Variants in GLTP observed in about 807,000 individuals in gnomAD.
GLTP encodes glycolipid transfer protein.
A neutral mutation model predicts 24.0 loss-of-function variants in GLTP; 22 were observed. The ratio of observed to expected loss-of-function variants is 0.92; its 90% CI spans 0.65 to 1.31. The LOEUF (loss-of-function observed/expected upper bound fraction) is 1.31, where lower values mean the gene tolerates loss of function less well. Among genes scored for constraint, GLTP ranks in the 50% most tolerant of loss-of-function variants. The pLI is 0.00. For missense variants in GLTP, 224 were observed against 276.6 expected, an observed-to-expected ratio of 0.81 and a Z score of 1.35; for synonymous variants, 92 against 115.9, an observed-to-expected ratio of 0.79 and a Z score of 1.33.
chr12:109,864,502 G>T (rs1208631455), intron 1 of GLTP, among the ~76,000 whole-genome samples: 2 of 152,180 alleles, frequency 1.3e-5, no homozygotes, highest in African/African-American at 4.8e-5. Context: ...CAAACAGGAA[G>T]TGCTCTGTAT....
intron 1 of GLTP, among the ~76,000 whole-genome samples, chr12:109,876,248 C>T (rs942037818): frequency 6.6e-5 from 10 of 152,102 alleles, no homozygotes; most frequent in African/African-American, 2.2e-4. Flanking sequence ...GAGGCCGAGG[C>T]ATGAGGATCA....
Position 109,857,729 on chromosome 12 carries a change from T to G in GLTP, c.163-70A>C, listed in dbSNP as rs1328847579. ...ATAGACATCTGGCCCGCACGCTGGG[T>G]GAAAAGCACCCTACCGGCATCTCCT... On this transcript the variant is annotated intron_variant, in intron 2 of 4. Transcript: ENST00000318348. The surrounding 1 kb of genome is among the most constrained non-coding windows in gnomAD (Gnocchi z 4.3). 1.2e-5 allele frequency: 19 copies of G among 1,526,310 alleles called. No homozygotes were observed. The highest frequency in any genetic ancestry group is 1.7e-5 in the Admixed American group (1 of 59,836). The allele number at this position is 1,526,310 out of a possible 1,614,324, so 94.5% of individuals were successfully genotyped here.
At chr12:109,879,840 G>C (rs999443848) in intron 1 of GLTP, among the ~76,000 whole-genome samples, 1 of 152,090 alleles carries the variant, frequency 6.6e-6, no homozygotes, top group Non-Finnish European at 1.5e-5. Flanking sequence ...GAAATGGGGG[G>C]ATTCATTGTA....
chr12:109,868,369 G>C (rs756538669), intron 1 of GLTP, among the ~76,000 whole-genome samples: 6 of 152,084 alleles, frequency 3.9e-5, no homozygotes, highest in Non-Finnish European at 5.9e-5. Context: ...TATGCTCTTA[G>C]CAAGACCACA....
At chr12:109,853,864 T>A (rs2136763397) in intron 4 of GLTP, among the ~76,000 whole-genome samples, 2 of 150,954 alleles carry the variant, frequency 1.3e-5, no homozygotes, top group East Asian at 4.0e-4. Context: ...TGCCTCAACC[T>A]CCCGAGTAGC....
At chr12:109,878,671 G>T (rs529396741) in intron 1 of GLTP, among the ~76,000 whole-genome samples, 78 of 152,166 alleles carry the variant, frequency 5.1e-4, no homozygotes, top group South Asian at 2.7e-3. Flanking sequence ...GAGCTGGTTC[G>T]CTCCCAAGCC....
chr12:109,866,948 T>C (rs1012801583), intron 1 of GLTP, among the ~76,000 whole-genome samples: 1 of 112,078 alleles, frequency 8.9e-6, no homozygotes, highest in East Asian at 2.2e-4. Context: ...TTTTTTTTTT[T>C]ACCTTTTGTA....
At chr12:109,866,303 C>T (rs1251888288) in intron 1 of GLTP, 1 of 152,126 alleles carries the variant, frequency 6.6e-6, no homozygotes, top group African/African-American at 2.4e-5. Flanking sequence ...GGAATTTTGA[C>T]CTGCTGTTTC....
chr12:109,873,420 G>T (rs1402178259), intron 1 of GLTP, among the ~76,000 whole-genome samples: 1 of 152,030 alleles, frequency 6.6e-6, no homozygotes, highest in Non-Finnish European at 1.5e-5. Flanking sequence ...GGATCATGAG[G>T]TCAGGAGTTC....
intron 1 of GLTP, among the ~76,000 whole-genome samples, chr12:109,877,025 T>G (rs1195857870): frequency 6.6e-6 from 1 of 152,202 alleles, no homozygotes; most frequent in African/African-American, 2.4e-5. Context: ...GCTAATTTTC[T>G]GTACTTTTGG....
intron 1 of GLTP, among the ~76,000 whole-genome samples, chr12:109,869,963 C>T (rs899689755): frequency 2.0e-4 from 30 of 151,844 alleles, no homozygotes; most frequent in African/African-American, 1.9e-4. Flanking sequence ...CACCATATCT[C>T]GAACTTCTGA....
At chr12:109,860,443 G>GCAC (rs1892857481) in intron 1 of GLTP, 5 of 203,746 alleles carry the variant, frequency 2.5e-5, no homozygotes, top group African/African-American at 1.2e-4. Context: ...TTAAAGACAG[G>GCAC]GTCCTTTGGC....
At chr12:109,854,455 C>A (rs182949255) in intron 4 of GLTP, among the ~76,000 whole-genome samples, 3 of 150,786 alleles carry the variant, frequency 2.0e-5, no homozygotes, top group African/African-American at 4.9e-5. Flanking sequence ...GTGATTAATT[C>A]ATTTAATTGT....
chr12:109,855,513 G>T lies in GLTP; in HGVS notation c.447+106C>A, dbSNP rs1892782372. The T allele has an allele frequency of 3.0e-6, 3 of 1,005,668 alleles. No homozygotes were observed. The highest frequency in any genetic ancestry group is 5.3e-5 in the Admixed American group (2 of 37,430). The allele number at this position is 1,005,668 out of a possible 1,614,324, so 62.3% of individuals were successfully genotyped here. ...GAGGGAGCCCTTCCTGAGCCCGAGGGGGTAAACACAGCCTCACAGGCCAGG... is the reference window on the plus strand; with the variant it reads ...GAGGGAGCCCTTCCTGAGCCCGAGGTGGTAAACACAGCCTCACAGGCCAGG... On this transcript the variant is annotated intron_variant, in intron 4 of 4. Transcript: ENST00000318348. This position sits in a 1 kb window ranked among gnomAD's most constrained non-coding sequence, Gnocchi z 4.1.
intron 1 of GLTP, among the ~76,000 whole-genome samples, chr12:109,863,212 C>G (rs1056351505): frequency 8.5e-6 from 1 of 117,558 alleles, no homozygotes; most frequent in African/African-American, 3.1e-5. Flanking sequence ...ATTCTTTCAG[C>G]TTCGCCACAT....
At chr12:109,860,623 AT>A in intron 1 of GLTP, among the ~76,000 whole-genome samples, 1 of 152,180 alleles carries the variant, frequency 6.6e-6, no homozygotes, top group African/African-American at 2.4e-5. Context: ...GATTAGAGGG[AT>A]ACACCATCAC....
intron 1 of GLTP, among the ~76,000 whole-genome samples, chr12:109,865,721 C>T (rs920229429): frequency 6.6e-6 from 1 of 152,118 alleles, no homozygotes; most frequent in Admixed American, 6.6e-5. Flanking sequence ...AGGCGTGAGC[C>T]GCCATGCCTG....
chr12:109,854,936 G>A (rs769017877), intron 4 of GLTP, among the ~76,000 whole-genome samples: 16 of 152,250 alleles, frequency 1.1e-4, no homozygotes, highest in Non-Finnish European at 2.2e-4. Context: ...TCTCATGGCC[G>A]CCAGGGTGGG....
chr12:109,855,721 C>G lies in GLTP; in HGVS notation c.345G>C (p.Glu115Asp). The change falls in exon 4 of 5, where the codon GAG (glutamate) becomes GAC (aspartate). Residue 115 changes from glutamate to aspartate, a missense_variant. Coordinates refer to ENST00000318348, the MANE Select transcript of GLTP (RefSeq NM_016433.4). The surrounding 1 kb of genome is among the most constrained non-coding windows in gnomAD (Gnocchi z 4.1). ...QVFLQSICDG[E>D]RDENHPNLIR... ...TGAGGTTGGGGTGGTTCTCGTCCCG[C>G]TCCCCGTCGCAGATGCTCTGGAGGA... is the stretch of plus-strand genomic sequence containing the variant. 6.2e-7 allele frequency: 1 copy of G among 1,608,882 alleles called. No individual in the cohort carries two copies. Among genetic ancestry groups the G allele is most frequent in the Non-Finnish European group, 8.5e-7 (1 of 1,177,728 alleles).
Sources: allele counts gnomAD v4.1 joint callset (sites outside exome capture counted in the v4.1 genomes callset), GRCh38; gene constraint gnomAD v4.1.1; non-coding constraint Gnocchi (gnomAD v3.1); transcripts MANE v1.5; gene names NCBI Gene and HGNC (gene_info 2026-07-23, HGNC 2026-07-21).